The following ARPP21 variants were observed in gnomAD, a reference collection of about 807,000 sequenced individuals.
ARPP21 encodes the protein cAMP regulated phosphoprotein 21, also known as cAMP-regulated phosphoprotein 21.
ARPP21 carries 69 observed loss-of-function variants against 113.2 expected under a neutral mutation model. That is an observed-to-expected ratio of 0.61 (90% CI 0.50 to 0.74). ARPP21 has a LOEUF of 0.74. ARPP21 is among the 30% of genes least tolerant of loss of function. ARPP21 has a pLI of 0.00. For missense variants in ARPP21, 1,070 were observed against 1,037.4 expected, an observed-to-expected ratio of 1.03 and a Z score of -0.43; for synonymous variants, 368 against 375.5, an observed-to-expected ratio of 0.98 and a Z score of 0.23.
intron 19 of ARPP21, among the ~76,000 whole-genome samples, chr3:35,762,141 C>T (rs1200093149): frequency 6.6e-6 from 1 of 151,656 alleles, no homozygotes; most frequent in African/African-American, 2.4e-5. Flanking sequence ...CACACACACA[C>T]ACACACACAC....
At chr3:35,706,547 A>T (rs1287449609) in intron 9 of ARPP21, among the ~76,000 whole-genome samples, 1 of 152,212 alleles carries the variant, frequency 6.6e-6, no homozygotes, top group Non-Finnish European at 1.5e-5. Flanking sequence ...AAAAGGGAAG[A>T]TGTGATAGAA....
intron 19 of ARPP21, among the ~76,000 whole-genome samples, chr3:35,758,913 G>A (rs1236176126): frequency 1.3e-5 from 2 of 151,902 alleles, no homozygotes; most frequent in African/African-American, 2.4e-5. Flanking sequence ...ATATATGAAT[G>A]TGATTGTCCA....
chr3:35,731,570 G>T (rs2093970576), intron 15 of ARPP21, among the ~76,000 whole-genome samples: 1 of 152,072 alleles, frequency 6.6e-6, no homozygotes, highest in African/African-American at 2.4e-5. Flanking sequence ...TTTGTAAATT[G>T]AAAAATATGC....
intron 14 of ARPP21, among the ~76,000 whole-genome samples, chr3:35,723,360 A>T (rs896343623): frequency 6.6e-6 from 1 of 152,226 alleles, no homozygotes; most frequent in Non-Finnish European, 1.5e-5. Flanking sequence ...AATTAATAGC[A>T]TTTAGTTACA....
chr3:35,658,386 A>C (rs191486840), intron 1 of ARPP21, among the ~76,000 whole-genome samples: 10 of 152,156 alleles, frequency 6.6e-5, no homozygotes, highest in Non-Finnish European at 1.5e-5. Flanking sequence ...TCTTTTTGGC[A>C]TTTTGTACAT....
chr3:35,705,895 A>G (rs2088794775), intron 9 of ARPP21, among the ~76,000 whole-genome samples: 1 of 152,200 alleles, frequency 6.6e-6, no homozygotes, highest in Non-Finnish European at 1.5e-5. Flanking sequence ...GCTTCTCATC[A>G]AGATTTGAAT....
intron 16 of ARPP21, 42 bp downstream of exon 16, chr3:35,737,404 G>A (rs1371589531): frequency 2.1e-6 from 3 of 1,397,694 alleles, no homozygotes; most frequent in Admixed American, 1.8e-5. Context: ...AGTACCCTGA[G>A]ATGAAGGCTA....
intron 9 of ARPP21, 142 bp downstream of exon 9, chr3:35,691,147 G>A (rs1406440099): frequency 9.1e-6 from 8 of 877,780 alleles, no homozygotes; most frequent in Non-Finnish European, 1.3e-5. Context: ...AAGTAGTGTG[G>A]CATTTATCTG....
chr3:35,679,821 A>C lies in ARPP21; in HGVS notation c.-178A>C, dbSNP rs996850682. The C allele has an allele frequency of 1.3e-5, 2 of 152,222 alleles. No individual in the cohort carries two copies. Among genetic ancestry groups the C allele is most frequent in the African/African-American group, 4.8e-5 (2 of 41,366 alleles). 9.4% of individuals were successfully genotyped at this position (152,222 alleles called of 1,614,324 possible). A position where few individuals can be genotyped will look rare whatever the true frequency, so the allele number is the denominator to read the frequency against. ...GTGTCACACTGTGTAAGGGAATCGC[A>C]TGGAGATGGGCATTCCGAACTGTTA... On this transcript the variant is annotated 5_prime_UTR_variant, in exon 2 of 21. The change abolishes an upstream ATG in the 5' untranslated region. Coordinates refer to ENST00000684406, the MANE Select transcript of ARPP21 (RefSeq NM_001385562.1).
intron 19 of ARPP21, among the ~76,000 whole-genome samples, chr3:35,753,041 AGTGTGTGTGTGT>A (rs3086930): frequency 4.2e-5 from 6 of 144,066 alleles, no homozygotes; most frequent in East Asian, 2.1e-4. Flanking sequence ...TATGGCAGGA[AGTGTGTGTGTGT>A]GTGTGTGTGT....
chr3:35,786,759 C>T lies in ARPP21; in HGVS notation c.2138-5623C>T, dbSNP rs78242845. 3.7e-3 allele frequency among the ~76,000 whole-genome samples: 556 copies of T among 152,020 alleles called. 1 individual carries two copies. Among genetic ancestry groups the T allele is most frequent in the Middle Eastern group, 6.8e-3 (2 of 294 alleles). ...GTAAAATCGATGCCTTCCTTGTGCCCGAGGACCCCTGGTTCTGATAGGCTT... is the reference window on the plus strand; with the variant it reads ...GTAAAATCGATGCCTTCCTTGTGCCTGAGGACCCCTGGTTCTGATAGGCTT... On this transcript the variant is annotated intron_variant, in intron 19 of 20. Coordinates refer to ENST00000684406, the MANE Select transcript of ARPP21 (RefSeq NM_001385562.1).
chr3:35,777,873 A>T (rs2096418028), intron 19 of ARPP21, among the ~76,000 whole-genome samples: 1 of 152,182 alleles, frequency 6.6e-6, no homozygotes, highest in African/African-American at 2.4e-5. Flanking sequence ...GCTTAATAAT[A>T]CTTCCTAAGT....
chr3:35,790,175 T>C (rs980214755), intron 19 of ARPP21, among the ~76,000 whole-genome samples: 3 of 152,192 alleles, frequency 2.0e-5, no homozygotes, highest in Non-Finnish European at 2.9e-5. Context: ...AAGTACTAAA[T>C]GGCACTCCTC....
chr3:35,772,218 G>T (rs146183796), intron 19 of ARPP21, among the ~76,000 whole-genome samples: 21 of 152,134 alleles, frequency 1.4e-4, no homozygotes, highest in African/African-American at 5.1e-4. Flanking sequence ...AGTTATTCTT[G>T]GAAATGAAAT....
intron 1 of ARPP21, among the ~76,000 whole-genome samples, chr3:35,659,606 G>A (rs1206568214): frequency 6.6e-6 from 1 of 152,108 alleles, no homozygotes; most frequent in Non-Finnish European, 1.5e-5. Flanking sequence ...CTGGAGTGCA[G>A]GTGTGTAGCC....
At chr3:35,695,287 CA>C (rs2083543175) in intron 9 of ARPP21, among the ~76,000 whole-genome samples, 2 of 151,558 alleles carry the variant, frequency 1.3e-5, no homozygotes, top group Non-Finnish European at 3.0e-5. Flanking sequence ...CTGATAAGAG[CA>C]GAGATGTTAT....
Position 35,707,034 on chromosome 3 carries a change from G to A in ARPP21, c.747G>A (p.Arg249=). Residue 249 remains arginine (R), a synonymous_variant, in exon 10 of 21, where the codon CGG becomes CGA. Transcript: ENST00000684406. ...KDEKGEESQK[R]FILKRDNSSI... ...AAAAAGGTGAAGAATCCCAGAAGCG[G>A]TTTATCTTGAAGCGAGATAACTCTA... 1 of 1,614,072 alleles carries A rather than the reference G, an allele frequency of 6.2e-7. No individual in the cohort carries two copies.
chr3:35,792,421 G>C lies in ARPP21; in HGVS notation c.2177G>C (p.Gly726Ala). The change falls in exon 20 of 21, where the codon GGC (glycine) becomes GCC (alanine). Residue 726 changes from glycine (G) to alanine (A), a missense_variant. By Grantham distance (60) the Gly-to-Ala change is moderately conservative. Transcript: ENST00000684406. ...TTGTCTGGTCAACAGGGATTCCAAG[G>C]CCTAATAGGAGTGCAGCAGCCACCT... is the stretch of plus-strand genomic sequence containing the variant. The part of the protein sequence containing the change: ...PVLSGQQGFQ[G>A]LIGVQQPPQS... 3 of 1,613,998 alleles carry C rather than the reference G, an allele frequency of 1.9e-6. No homozygotes were observed. The highest frequency in any genetic ancestry group is 2.7e-5 in the African/African-American group (2 of 75,046).
At chr3:35,784,907 A>C (rs577435465) in intron 19 of ARPP21, 1 of 151,770 alleles carries the variant, frequency 6.6e-6, no homozygotes, top group Non-Finnish European at 1.5e-5. Context: ...CATAGTACTT[A>C]TTTCAAGATA....
Sources: gnomAD v4.1 joint callset for allele counts (sites outside exome capture counted in the v4.1 genomes callset) on GRCh38, gnomAD v4.1.1 for gene constraint, MANE v1.5 for transcripts, NCBI Gene and HGNC (gene_info 2026-07-23, HGNC 2026-07-21) for gene names.